CELF5: variants seen among roughly 807,000 people sequenced by gnomAD.
CELF5 encodes CUGBP Elav-like family member 5, also known as CUG-BP and ETR-3 like factor 5.
CELF5 carries 6 observed loss-of-function variants against 54.9 expected under a neutral mutation model. The observed-to-expected ratio is 0.11, with a 90% CI of 0.06 to 0.22. The LOEUF (loss-of-function observed/expected upper bound fraction) is 0.22, where lower values mean the gene tolerates loss of function less well. Ranked by LOEUF, CELF5 falls within the 10% of genes least tolerant of loss-of-function variation. CELF5 has a pLI of 1.00. For missense variants in CELF5, 401 were observed against 678.6 expected (o/e 0.59, Z 4.54); for synonymous variants, 271 against 290.9 (o/e 0.93, Z 0.70).
rs200254253 is a variant in CELF5, at chr19:3,268,761, C to G, written c.343-5111C>G. ...GTGTGTGTGTTTAGTGGGGAGGGGT[C>G]GTAATCAAGGTAATGCCTGGGCAAG... On this transcript the variant is annotated intron_variant, in intron 2 of 12. Transcript: ENST00000292672. This position sits in a 1 kb window ranked among gnomAD's most constrained non-coding sequence, Gnocchi z 4.4. 6.6e-6 allele frequency among the ~76,000 whole-genome samples: 1 copy of G among 151,610 alleles called. No individual in the cohort carries two copies. Among genetic ancestry groups the G allele is most frequent in the Non-Finnish European group, 1.5e-5 (1 of 67,946 alleles).
chr19:3,264,944 C>T (rs1037041870), intron 2 of CELF5, among the ~76,000 whole-genome samples: 1 of 151,452 alleles, frequency 6.6e-6, no homozygotes, highest in African/African-American at 2.4e-5. Context: ...CAAACTCTGA[C>T]CTCAAGTGAT....
At chr19:3,245,149 ATC>A (rs1451367715) in intron 1 of CELF5, among the ~76,000 whole-genome samples, 3 of 121,312 alleles carry the variant, frequency 2.5e-5, no homozygotes, top group Non-Finnish European at 5.1e-5. Flanking sequence ...GTGTGCGTGC[ATC>A]TCTGTGTGTG....
intron 9 of CELF5, 141 bp downstream of exon 9, chr19:3,285,105 C>T: frequency 1.5e-6 from 1 of 659,652 alleles, no homozygotes; most frequent in South Asian, 1.8e-5. Context: ...CAGGGCCCAC[C>T]CTTAGCCCCT....
intron 2 of CELF5, among the ~76,000 whole-genome samples, chr19:3,257,459 TTTATTA>T (rs2079744124): frequency 6.6e-6 from 1 of 152,106 alleles, no homozygotes; most frequent in East Asian, 1.9e-4. Flanking sequence ...TGTTTCCACT[TTTATTA>T]TTATTATTTA....
At chr19:3,244,811 T>A (rs537030378) in intron 1 of CELF5, among the ~76,000 whole-genome samples, 2 of 148,816 alleles carry the variant, frequency 1.3e-5, no homozygotes, top group South Asian at 4.3e-4. Context: ...TCTTGTCTGG[T>A]ATATGTGTGC....
At chr19:3,274,701 A>G (rs1406882039) in intron 3 of CELF5, among the ~76,000 whole-genome samples, 1 of 152,046 alleles carries the variant, frequency 6.6e-6, no homozygotes, top group Non-Finnish European at 1.5e-5. Flanking sequence ...CTCCATCTCA[A>G]GTGGAGACTG....
At chr19:3,269,470 G>T (rs778122231) in intron 2 of CELF5, among the ~76,000 whole-genome samples, 2 of 152,040 alleles carry the variant, frequency 1.3e-5, no homozygotes, top group South Asian at 2.1e-4. Context: ...GAGCCACCGC[G>T]CCCGGCCCCT....
At chr19:3,259,189 T>C (rs1310502317) in intron 2 of CELF5, among the ~76,000 whole-genome samples, 4 of 152,166 alleles carry the variant, frequency 2.6e-5, no homozygotes, top group Middle Eastern at 3.2e-3. Flanking sequence ...CAGTGTGCTG[T>C]TGAGTGGCAG....
intron 1 of CELF5, among the ~76,000 whole-genome samples, chr19:3,248,853 T>TTCCTTCCTTCCTTC (rs2079603439): frequency 3.9e-4 from 46 of 118,906 alleles, no homozygotes; most frequent in South Asian, 3.2e-3. Flanking sequence ...TTTCTTTCTT[T>TTCCTTCCTTCCTTC]CTTCCTTCCT....
intron 1 of CELF5, among the ~76,000 whole-genome samples, chr19:3,231,137 G>A (rs753309681): frequency 2.0e-5 from 3 of 152,250 alleles, no homozygotes; most frequent in Non-Finnish European, 2.9e-5. Context: ...CCTAGCAGGA[G>A]TCCAGTTGGT....
chr19:3,235,726 G>GTGGA (rs201677943), intron 1 of CELF5, among the ~76,000 whole-genome samples: 57 of 116,002 alleles, frequency 4.9e-4, no homozygotes, highest in South Asian at 2.1e-3. Context: ...GTGTGGATGG[G>GTGGA]TGGATGGATG....
chr19:3,270,508 G>C (rs933230631), intron 2 of CELF5: 11 of 150,166 alleles, frequency 7.3e-5, no homozygotes, highest in Admixed American at 3.3e-4. Flanking sequence ...TCCCGGCTCG[G>C]GCGGGCAGCG....
chr19:3,283,051 G>A (rs1599474040), intron 8 of CELF5, among the ~76,000 whole-genome samples: 1 of 152,048 alleles, frequency 6.6e-6, no homozygotes, highest in East Asian at 1.9e-4. Flanking sequence ...GGCTGGTCTC[G>A]AACTCCTGAC....
chr19:3,259,319 T>C (rs1182178567), intron 2 of CELF5, among the ~76,000 whole-genome samples: 1 of 151,958 alleles, frequency 6.6e-6, no homozygotes, highest in African/African-American at 2.4e-5. Flanking sequence ...TTTGTGGTTG[T>C]CACGACTTGG....
At chr19:3,249,313 C>T (rs188127274) in intron 1 of CELF5, among the ~76,000 whole-genome samples, 174 of 152,272 alleles carry the variant, frequency 1.1e-3, no homozygotes, top group African/African-American at 4.0e-3. Context: ...TGTGCAATCC[C>T]TACCCCACCT....
intron 3 of CELF5, among the ~76,000 whole-genome samples, chr19:3,274,595 T>C (rs1245493649): frequency 1.3e-5 from 2 of 152,316 alleles, no homozygotes. Context: ...TGTGTGGGGC[T>C]GGACCTTGGT....
At chr19:3,232,949 CTG>C (rs1176059876) in intron 1 of CELF5, among the ~76,000 whole-genome samples, 3 of 152,148 alleles carry the variant, frequency 2.0e-5, no homozygotes, top group Admixed American at 6.6e-5. Context: ...TGGTGCATGT[CTG>C]TAATCCCAGC....
chr19:3,285,446 C>T (rs1361866149), intron 9 of CELF5, among the ~76,000 whole-genome samples: 1 of 143,256 alleles, frequency 7.0e-6, no homozygotes, highest in East Asian at 2.2e-4. Flanking sequence ...CCCTCTGCTG[C>T]GGCCCCGCCC....
chr19:3,267,095 G>A (rs1599443767), intron 2 of CELF5, among the ~76,000 whole-genome samples: 1 of 82,456 alleles, frequency 1.2e-5, no homozygotes, highest in Non-Finnish European at 2.5e-5. Context: ...GTGCATGTGT[G>A]TGTGTGTGTG....
Sources: gnomAD v4.1 joint callset for allele counts (sites outside exome capture counted in the v4.1 genomes callset) on GRCh38, gnomAD v4.1.1 for gene constraint, Gnocchi (gnomAD v3.1) non-coding constraint, MANE v1.5 for transcripts, NCBI Gene and HGNC (gene_info 2026-07-23, HGNC 2026-07-21) for gene names.